SQOR: variants seen among roughly 807,000 people sequenced by gnomAD.
SQOR encodes the protein sulfide:quinone oxidoreductase, mitochondrial.
A neutral mutation model predicts 48.6 loss-of-function variants in SQOR; 39 were observed. That is an observed-to-expected ratio of 0.80 (90% CI 0.62 to 1.05). The LOEUF is 1.05. SQOR is among the 50% of genes least tolerant of loss of function. The pLI is 0.00. For synonymous variants in SQOR, 220 were observed against 206.2 expected, an observed-to-expected ratio of 1.07 and a Z score of -0.57; for missense variants, 561 against 559.9, an observed-to-expected ratio of 1.00 and a Z score of -0.02.
At chr15:45,676,693 A>G (rs1890042682) in intron 6 of SQOR, among the ~76,000 whole-genome samples, 1 of 152,232 alleles carries the variant, frequency 6.6e-6, no homozygotes, top group Non-Finnish European at 1.5e-5. Context: ...AATTGGTGGC[A>G]TGTGAGAAAC....
chr15:45,675,898 A>C (rs200231262), intron 5 of SQOR, among the ~76,000 whole-genome samples: 2 of 152,200 alleles, frequency 1.3e-5, no homozygotes, highest in East Asian at 3.9e-4. Flanking sequence ...TCAGCCCCCA[A>C]CTCAAGTGTG....
chr15:45,688,485 A>T, intron 8 of SQOR, 81 bp downstream of exon 8: 1 of 1,056,628 alleles, frequency 9.5e-7, no homozygotes. Context: ...ACAATTTTGC[A>T]CTTTCTGTCT....
rs754253932 is a variant in SQOR, at chr15:45,673,664, A to T, written c.517A>T (p.Lys173Ter). 4.3e-6 allele frequency: 7 copies of T among 1,614,116 alleles called. No individual in the cohort carries two copies. The highest frequency in any genetic ancestry group is 5.9e-6 in the Non-Finnish European group (7 of 1,180,050). ...HPKIGSNYSV[K>*]TVEKTWKALQ... ...CAAAATAGGGTCGAATTATTCAGTT[A>T]AGACTGTAGAGAAGACATGGAAAGC... Residue 173 changes from lysine to a stop codon, truncating the protein, a stop_gained, in exon 5 of 10, where the codon AAG becomes TAG. Transcript: ENST00000260324. LOFTEE classifies it high-confidence loss of function.
intron 2 of SQOR, among the ~76,000 whole-genome samples, chr15:45,661,746 G>A (rs1335950745): frequency 6.6e-6 from 1 of 152,132 alleles, no homozygotes; most frequent in Non-Finnish European, 1.5e-5. Context: ...TGATGATCTT[G>A]GAAGAATTCT....
intron 7 of SQOR, among the ~76,000 whole-genome samples, chr15:45,687,769 G>T (rs1462691900): frequency 6.6e-6 from 1 of 152,136 alleles, no homozygotes; most frequent in Admixed American, 6.5e-5. Context: ...GTCTATCTAG[G>T]AAAGAGACAG....
chr15:45,665,166 G>C (rs137995379), intron 3 of SQOR, among the ~76,000 whole-genome samples: 1 of 152,332 alleles, frequency 6.6e-6, no homozygotes, highest in African/African-American at 2.4e-5. Context: ...GGGAATGACA[G>C]GCACTACTAG....
chr15:45,638,447 G>A (rs1329454398), intron 1 of SQOR, among the ~76,000 whole-genome samples: 1 of 152,104 alleles, frequency 6.6e-6, no homozygotes, highest in Non-Finnish European at 1.5e-5. Context: ...AATTAGCCAG[G>A]CACGGTGGCT....
chr15:45,638,977 A>G (rs1318543811), intron 1 of SQOR, among the ~76,000 whole-genome samples: 1 of 152,118 alleles, frequency 6.6e-6, no homozygotes, highest in Admixed American at 6.6e-5. Flanking sequence ...GAGAAAATAA[A>G]TTTCTGTTCT....
intron 5 of SQOR, among the ~76,000 whole-genome samples, chr15:45,674,467 A>G (rs1194360050): frequency 1.3e-5 from 2 of 151,882 alleles, no homozygotes; most frequent in Non-Finnish European, 2.9e-5. Flanking sequence ...TCTACTGGAG[A>G]GATATGTTAG....
chr15:45,639,172 G>C (rs1274565698), intron 1 of SQOR, among the ~76,000 whole-genome samples: 33 of 152,194 alleles, frequency 2.2e-4, no homozygotes, highest in Admixed American at 2.2e-3. Context: ...ATGCAGAAGA[G>C]TCTCCCATGT....
intron 5 of SQOR, among the ~76,000 whole-genome samples, chr15:45,675,631 G>A (rs544549126): frequency 3.9e-5 from 6 of 152,032 alleles, no homozygotes; most frequent in African/African-American, 9.6e-5. Context: ...AACTCCTGAC[G>A]TCAGGTGATC....
chr15:45,661,874 G>A (rs541085517), intron 2 of SQOR, 81 bp from the exon 3 acceptor site: 1 of 1,417,128 alleles, frequency 7.1e-7, no homozygotes, highest in Non-Finnish European at 9.5e-7. Context: ...GTGATTGAAA[G>A]AATCTAGCCC....
At chr15:45,666,058 C>A (rs546758052) in intron 3 of SQOR, among the ~76,000 whole-genome samples, 1 of 152,184 alleles carries the variant, frequency 6.6e-6, no homozygotes, top group African/African-American at 2.4e-5. Flanking sequence ...CCAGGCTTAA[C>A]CTGGTTCTAT....
At chr15:45,665,584 C>CTT (rs1416571890) in intron 3 of SQOR, among the ~76,000 whole-genome samples, 9 of 140,182 alleles carry the variant, frequency 6.4e-5, no homozygotes, top group African/African-American at 1.6e-4. Flanking sequence ...TCCATTCTGT[C>CTT]TTTTTTTTTT....
At chr15:45,661,702 T>C (rs1203838105) in intron 2 of SQOR, among the ~76,000 whole-genome samples, 1 of 152,216 alleles carries the variant, frequency 6.6e-6, no homozygotes, top group East Asian at 1.9e-4. Flanking sequence ...CAATACATAA[T>C]GCAGTGGTCA....
intron 1 of SQOR, among the ~76,000 whole-genome samples, chr15:45,642,992 A>T (rs750014842): frequency 6.6e-6 from 1 of 152,142 alleles, no homozygotes; most frequent in Non-Finnish European, 1.5e-5. Context: ...TTCTCCTCCA[A>T]CAGGAGGGTT....
In SQOR at chr15:45,689,714, C is replaced by T. The variant is rs1392113976; in HGVS notation, c.1295+497C>T. 5.6e-4 allele frequency among the ~76,000 whole-genome samples: 85 copies of T among 152,144 alleles called. 1 individual carries two copies. Among genetic ancestry groups the T allele is most frequent in the Admixed American group, 5.3e-3 (81 of 15,284 alleles). ...GGATTACAGGCATGAGCCACCGCTC[C>T]TGGCCCCTTACCTTTGTTTTTATTG... On this transcript the variant is annotated intron_variant, in intron 9 of 9. Coordinates refer to ENST00000260324, the MANE Select transcript of SQOR (RefSeq NM_021199.4).
intron 1 of SQOR, among the ~76,000 whole-genome samples, chr15:45,651,006 G>A (rs1471607714): frequency 1.3e-5 from 2 of 152,084 alleles, no homozygotes; most frequent in African/African-American, 2.4e-5. Context: ...CCCGCACCGC[G>A]CACCTGCACT....
chr15:45,669,839 C>A, intron 3 of SQOR, 89 bp from the exon 4 acceptor site: 1 of 1,096,508 alleles, frequency 9.1e-7, no homozygotes, highest in Non-Finnish European at 1.4e-6. Context: ...CTCCCTTAGA[C>A]CACATGGAAC....
Sources: gnomAD v4.1 joint callset for allele counts (sites outside exome capture counted in the v4.1 genomes callset) on GRCh38, gnomAD v4.1.1 for gene constraint, MANE v1.5 for transcripts, NCBI Gene and HGNC (gene_info 2026-07-23, HGNC 2026-07-21) for gene names.